The following SLC39A11 variants were observed in gnomAD, a reference collection of about 807,000 sequenced individuals.
SLC39A11 encodes the protein zinc transporter ZIP11.
Under a neutral mutation model 36.1 loss-of-function variants are expected in SLC39A11, and 33 were observed. That is an observed-to-expected ratio of 0.91 (90% CI 0.69 to 1.22). The LOEUF is 1.22. SLC39A11 is among the 50% of genes most tolerant of loss of function. The probability of loss-of-function intolerance (pLI) is 0.00; values close to 1 mark genes in which losing one functional copy is unlikely to be tolerated. For synonymous variants in SLC39A11, 166 were observed against 170.3 expected, an observed-to-expected ratio of 0.97 and a Z score of 0.20; for missense variants, 432 against 430.3, an observed-to-expected ratio of 1.00 and a Z score of -0.03.
At position 72,878,632 on chromosome 17, in the gene SLC39A11, T is replaced by C. The variant is rs559303121; in HGVS notation, c.431-28828A>G. ...ATCCCCTACACCCCCTTTATTGCTG[T>C]ATTTTTCTCCATACCTGTACTATAT... is the stretch of plus-strand genomic sequence containing the variant. On this transcript the variant is annotated intron_variant, in intron 5 of 9. Transcript: ENST00000255559. 2.0e-5 allele frequency among the ~76,000 whole-genome samples: 3 copies of C among 152,360 alleles called. No homozygotes were observed. In the South Asian group the frequency reaches 6.2e-4, roughly 32 times the overall value.
chr17:73,063,057 C>T (rs2059895725), intron 3 of SLC39A11, among the ~76,000 whole-genome samples: 1 of 152,122 alleles, frequency 6.6e-6, no homozygotes, highest in African/African-American at 2.4e-5. Flanking sequence ...GGGGCCCCTG[C>T]TTGAGGAGAC....
intron 5 of SLC39A11, among the ~76,000 whole-genome samples, chr17:72,946,044 A>G (rs1035004757): frequency 1.3e-5 from 2 of 152,226 alleles, no homozygotes; most frequent in African/African-American, 4.8e-5. Flanking sequence ...AGCCCAGCGC[A>G]GTCATGTTAG....
chr17:72,950,385 G>A (rs1185690465), intron 4 of SLC39A11, among the ~76,000 whole-genome samples: 1 of 152,176 alleles, frequency 6.6e-6, no homozygotes, highest in Non-Finnish European at 1.5e-5. Context: ...CAGAATCCTG[G>A]GAACAGAGAG....
At chr17:72,983,709 GTACCTT>G (rs2088500680) in intron 4 of SLC39A11, among the ~76,000 whole-genome samples, 1 of 152,204 alleles carries the variant, frequency 6.6e-6, no homozygotes, top group South Asian at 2.1e-4. Context: ...AGATCCCTTT[GTACCTT>G]TTGAGTGATG....
intron 5 of SLC39A11, among the ~76,000 whole-genome samples, chr17:72,893,132 A>G (rs1256752164): frequency 1.3e-5 from 2 of 152,226 alleles, no homozygotes; most frequent in Non-Finnish European, 2.9e-5. Context: ...AAAAGAAAAG[A>G]AAAAGGAAAA....
intron 3 of SLC39A11, chr17:73,068,078 T>G: frequency 6.7e-7 from 1 of 1,489,864 alleles, no homozygotes; most frequent in Non-Finnish European, 9.4e-7. Flanking sequence ...TGCCCACTTC[T>G]TTGTTTTCAT....
At chr17:73,067,880 T>G in intron 3 of SLC39A11, 1 of 1,606,816 alleles carries the variant, frequency 6.2e-7, no homozygotes, top group Non-Finnish European at 8.5e-7. Context: ...TCCCCATGCC[T>G]GAGACTTGCA....
chr17:72,798,183 T>C (rs140116368), intron 6 of SLC39A11, among the ~76,000 whole-genome samples: 30 of 152,124 alleles, frequency 2.0e-4, no homozygotes, highest in Middle Eastern at 3.4e-3. Context: ...CCCCAGTATA[T>C]TGAAATGTGT....
chr17:72,690,810 G>C (rs1389106643), intron 7 of SLC39A11, among the ~76,000 whole-genome samples: 1 of 152,096 alleles, frequency 6.6e-6, no homozygotes, highest in Non-Finnish European at 1.5e-5. Context: ...AGACCATCAA[G>C]CACTTGTGAA....
intron 6 of SLC39A11, among the ~76,000 whole-genome samples, chr17:72,810,084 C>CAAAAAAAAAAAAAAAAAAAAAAAAAAAA (rs10708067): frequency 7.3e-6 from 1 of 136,710 alleles, no homozygotes. Context: ...ACAAAAACAA[C>CAAAAAAAAAAAAAAAAAAAAAAAAAAAA]AAAAAAAAAA....
intron 6 of SLC39A11, among the ~76,000 whole-genome samples, chr17:72,815,448 T>C (rs2077551663): frequency 6.6e-6 from 1 of 151,562 alleles, no homozygotes; most frequent in South Asian, 2.1e-4. Flanking sequence ...AGAAACCCTG[T>C]CTCTACTAAA....
intron 7 of SLC39A11, among the ~76,000 whole-genome samples, chr17:72,729,505 C>T (rs56310278): frequency 0.14 from 12,511 of 92,384 alleles, 1,436 homozygotes; most frequent in Non-Finnish European, 0.17. Flanking sequence ...ATCATGTTGC[C>T]CAGGCTGGTC....
intron 6 of SLC39A11, among the ~76,000 whole-genome samples, chr17:72,752,286 C>T (rs2075183779): frequency 1.3e-5 from 2 of 152,094 alleles, no homozygotes; most frequent in South Asian, 2.1e-4. Flanking sequence ...GCTCTGTCAC[C>T]CGGGCTGGAG....
chr17:72,745,053 G>A (rs189566527), intron 6 of SLC39A11, among the ~76,000 whole-genome samples: 1 of 151,798 alleles, frequency 6.6e-6, no homozygotes, highest in Non-Finnish European at 1.5e-5. Flanking sequence ...TGTTGGCCAG[G>A]CTGGTCTTGA....
intron 6 of SLC39A11, among the ~76,000 whole-genome samples, chr17:72,842,874 G>C (rs936606706): frequency 6.6e-6 from 1 of 152,148 alleles, no homozygotes; most frequent in Non-Finnish European, 1.5e-5. Flanking sequence ...GTCTGCATCA[G>C]TCATTACCAT....
At chr17:73,004,175 G>GAAAGA (rs1568105218) in intron 4 of SLC39A11, among the ~76,000 whole-genome samples, 3 of 66,724 alleles carry the variant, frequency 4.5e-5, no homozygotes, top group African/African-American at 1.4e-4. Context: ...AAGAAAGAAA[G>GAAAGA]AAAGAAAGAA....
chr17:72,783,284 C>T (rs909182108), intron 6 of SLC39A11, among the ~76,000 whole-genome samples: 1 of 152,168 alleles, frequency 6.6e-6, no homozygotes, highest in African/African-American at 2.4e-5. Context: ...TCTAGAGCCA[C>T]CCAGTGTATG....
rs982015820 is a variant in SLC39A11 at position 72,741,967 on chromosome 17, C to A, written c.602-5248G>T. ...CTGTAATCCCAGCACTTTGGGAGGC[C>A]GAGGTAGGTGAATTGCTTGAGATCA... On this transcript the variant is annotated intron_variant, in intron 6 of 9. Coordinates refer to ENST00000255559, the MANE Select transcript of SLC39A11 (RefSeq NM_139177.4). Among the ~76,000 whole-genome samples the A allele has an allele frequency of 2.6e-5, 4 of 152,024 alleles. No individual in the cohort carries two copies. The South Asian group carries it at 8.3e-4, about 32-fold the overall frequency.
rs1598200651 is a variant in SLC39A11 at position 72,646,024 on chromosome 17, T to C, written c.*1560A>G. On this transcript the variant is annotated 3_prime_UTR_variant, in exon 10 of 10. Transcript: ENST00000255559. ...CCATCAGAAAGCACAATTTGCATTA[T>C]GTAGAACTACATACAAAGACATAAA... The C allele has an allele frequency of 1.3e-5, 2 of 152,682 alleles. No individual in the cohort carries two copies. Among genetic ancestry groups the C allele is most frequent in the Admixed American group, 6.5e-5 (1 of 15,282 alleles). The allele number at this position is 152,682 out of a possible 1,614,324, so 9.5% of individuals were successfully genotyped here.
Sources: gnomAD v4.1 joint callset for allele counts (sites outside exome capture counted in the v4.1 genomes callset) on GRCh38, gnomAD v4.1.1 for gene constraint, MANE v1.5 for transcripts, NCBI Gene and HGNC (gene_info 2026-07-23, HGNC 2026-07-21) for gene names.